The following SNX13 variants were observed in gnomAD, a reference collection of about 807,000 sequenced individuals.
SNX13 encodes the protein sorting nexin 13.
In SNX13, 45 loss-of-function variants were observed where a neutral mutation model predicts 133.6. The ratio of observed to expected loss-of-function variants is 0.34; its 90% CI spans 0.27 to 0.43. The LOEUF is 0.43. SNX13 is among the 20% of genes least tolerant of loss of function. The pLI is 1.00. For synonymous variants in SNX13, 414 were observed against 373.9 expected (o/e 1.11, Z -1.24); for missense variants, 1,032 against 1,145.1 (o/e 0.90, Z 1.43).
Position 17,940,266 on chromosome 7 carries a change from G to A in SNX13, c.12+18C>T. On this transcript the variant is annotated intron_variant, in intron 1 of 25. Coordinates refer to ENST00000428135, the MANE Select transcript of SNX13 (RefSeq NM_015132.5). Reference sequence around the variant, plus strand: ...TTCCCCATTTCACAGGTAAACACTGGCCACCGTCGCCGCTTACCTCAGTTA... The same window carrying A: ...TTCCCCATTTCACAGGTAAACACTGACCACCGTCGCCGCTTACCTCAGTTA... 2.6e-6 allele frequency: 4 copies of A among 1,557,918 alleles called. No individual in the cohort carries two copies. The highest frequency in any genetic ancestry group is 1.2e-5 in the South Asian group (1 of 84,316).
Position 17,821,594 on chromosome 7 carries a change from C to T in SNX13, c.1760G>A (p.Arg587Gln), listed in dbSNP as rs759183076. The change falls in exon 18 of 26, where the codon CGG becomes CAG. Residue 587 changes from arginine (R) to glutamine (Q), a missense_variant. By Grantham distance (43) the Arg-to-Gln change is conservative. Transcript: ENST00000428135. Reference sequence around the variant, plus strand: ...CATCTCCTCACTGTTTAGGTTGCGCCGGTGTACAGTGATGGCATATAATGC... The same window carrying T: ...CATCTCCTCACTGTTTAGGTTGCGCTGGTGTACAGTGATGGCATATAATGC... ...TYALYAITVHRRNLNSEEMWK... is the reference protein window; with the variant it reads ...TYALYAITVHQRNLNSEEMWK... 2.5e-6 allele frequency: 4 copies of T among 1,613,506 alleles called. No homozygotes were observed. The highest frequency in any genetic ancestry group is 1.7e-5 in the Admixed American group (1 of 59,948).
At chr7:17,812,358 A>G (rs1241822351) in intron 20 of SNX13, among the ~76,000 whole-genome samples, 1 of 152,252 alleles carries the variant, frequency 6.6e-6, no homozygotes, top group Non-Finnish European at 1.5e-5. Flanking sequence ...GACACTTCTC[A>G]AAAGAAGACA....
chr7:17,834,226 G>A (rs1380610691), intron 14 of SNX13, 42 bp from the exon 15 acceptor site: 1 of 1,474,060 alleles, frequency 6.8e-7, no homozygotes, highest in Non-Finnish European at 9.1e-7. Context: ...TAATACAGGT[G>A]TGTGGTGATT....
At position 17,921,846 on chromosome 7, in the gene SNX13, T is replaced by C. The variant is rs919782126; in HGVS notation, c.12+18438A>G. On this transcript the variant is annotated intron_variant, in intron 1 of 25. Transcript: ENST00000428135. ...CAGTTACTTTTGAGAACCACCGATG[T>C]ATGCACTACTAATCCATAAACATTC... Among the ~76,000 whole-genome samples the C allele has an allele frequency of 2.0e-5, 3 of 152,382 alleles. 1 individual carries two copies. Among genetic ancestry groups the C allele is most frequent in the Admixed American group, 2.0e-4 (3 of 15,302 alleles).
intron 1 of SNX13, chr7:17,899,091 T>C (rs990363345): frequency 6.6e-6 from 1 of 152,224 alleles, no homozygotes; most frequent in Admixed American, 6.5e-5. Context: ...GTTCCTCTGA[T>C]AATACTTTGC....
At chr7:17,933,806 A>G (rs1211442941) in intron 1 of SNX13, among the ~76,000 whole-genome samples, 1 of 151,714 alleles carries the variant, frequency 6.6e-6, no homozygotes, top group African/African-American at 2.4e-5. Context: ...TACAGAAAAA[A>G]AAAAAAACCC....
chr7:17,833,543 T>C (rs1326617753), intron 15 of SNX13, among the ~76,000 whole-genome samples: 1 of 151,618 alleles, frequency 6.6e-6, no homozygotes, highest in African/African-American at 2.4e-5. Context: ...TTATCCTCAC[T>C]GGAAAAAACT....
intron 12 of SNX13, among the ~76,000 whole-genome samples, chr7:17,843,950 C>T (rs1317638828): frequency 1.3e-5 from 2 of 151,610 alleles, no homozygotes; most frequent in Non-Finnish European, 2.9e-5. Flanking sequence ...TGGGACACAG[C>T]AAAAAGGAAA....
chr7:17,937,201 A>G (rs976850905), intron 1 of SNX13, among the ~76,000 whole-genome samples: 1 of 152,108 alleles, frequency 6.6e-6, no homozygotes, highest in Admixed American at 6.5e-5. Context: ...TGGGAGCTAT[A>G]CTTTCAATTT....
chr7:17,928,864 T>C (rs1229455166), intron 1 of SNX13, among the ~76,000 whole-genome samples: 1 of 152,178 alleles, frequency 6.6e-6, no homozygotes, highest in Non-Finnish European at 1.5e-5. Context: ...AGATGATGTC[T>C]TTTCAATCAA....
chr7:17,846,166 G>GT (rs200012742), intron 11 of SNX13, among the ~76,000 whole-genome samples: 5 of 150,528 alleles, frequency 3.3e-5, no homozygotes, highest in Admixed American at 1.3e-4. Flanking sequence ...GATAAAATGT[G>GT]TTTTTTTTCC....
intron 16 of SNX13, among the ~76,000 whole-genome samples, chr7:17,826,767 C>T (rs576488452): frequency 1.0e-3 from 159 of 152,098 alleles, no homozygotes; most frequent in African/African-American, 3.6e-3. Flanking sequence ...ATAACTACGG[C>T]CTTTGGGTCT....
chr7:17,850,993 G>A, intron 9 of SNX13, 29 bp from the exon 10 acceptor site: 1 of 1,577,460 alleles, frequency 6.3e-7, no homozygotes, highest in Non-Finnish European at 8.6e-7. Context: ...AAAACAGGTG[G>A]GAGAGGAACT....
chr7:17,843,287 T>A (rs985674445), intron 12 of SNX13, among the ~76,000 whole-genome samples: 8 of 152,038 alleles, frequency 5.3e-5, no homozygotes, highest in Non-Finnish European at 1.0e-4. Flanking sequence ...GAGGCTACAC[T>A]AGTATCAGCT....
intron 5 of SNX13, among the ~76,000 whole-genome samples, chr7:17,885,390 A>G (rs1173194031): frequency 6.6e-6 from 1 of 152,158 alleles, no homozygotes; most frequent in Non-Finnish European, 1.5e-5. Context: ...TTCTTTGTGA[A>G]GTCATTAAAA....
intron 1 of SNX13, among the ~76,000 whole-genome samples, chr7:17,906,794 AAG>A (rs1233953346): frequency 5.9e-5 from 9 of 152,216 alleles, no homozygotes; most frequent in Non-Finnish European, 4.4e-5. Context: ...CAACCAACAG[AAG>A]AGCCAAAGGT....
intron 9 of SNX13, among the ~76,000 whole-genome samples, chr7:17,854,555 G>C (rs549585469): frequency 2.0e-5 from 3 of 152,214 alleles, no homozygotes; most frequent in African/African-American, 7.2e-5. Flanking sequence ...CCCATGTCAT[G>C]TGCATAGTCA....
At chr7:17,930,843 T>C (rs973820094) in intron 1 of SNX13, among the ~76,000 whole-genome samples, 2 of 152,106 alleles carry the variant, frequency 1.3e-5, no homozygotes, top group African/African-American at 4.8e-5. Context: ...GCTGGGACAT[T>C]AGATTCTCAT....
intron 21 of SNX13, 107 bp from the exon 22 acceptor site, chr7:17,801,766 G>C: frequency 5.1e-6 from 4 of 784,384 alleles, no homozygotes; most frequent in Non-Finnish European, 7.9e-6. Flanking sequence ...CTGACTTTTG[G>C]TACAATATAT....
Sources: gnomAD v4.1 joint callset for allele counts (sites outside exome capture counted in the v4.1 genomes callset) on GRCh38, gnomAD v4.1.1 for gene constraint, MANE v1.5 for transcripts, NCBI Gene and HGNC (gene_info 2026-07-23, HGNC 2026-07-21) for gene names.